ENAH: variants seen among roughly 807,000 people sequenced by gnomAD.
The protein encoded by ENAH is ENAH actin regulator.
ENAH carries 23 observed loss-of-function variants against 78.7 expected under a neutral mutation model. The ratio of observed to expected loss-of-function variants is 0.29; its 90% CI spans 0.21 to 0.41. The LOEUF is 0.41. ENAH is among the 10% of genes least tolerant of loss of function. The probability of loss-of-function intolerance (pLI) is 1.00; values close to 1 mark genes in which losing one functional copy is unlikely to be tolerated. For missense variants in ENAH, 544 were observed against 691.0 expected, an observed-to-expected ratio of 0.79 and a Z score of 2.39; for synonymous variants, 226 against 241.0, an observed-to-expected ratio of 0.94 and a Z score of 0.58.
upstream of ENAH, among the ~76,000 whole-genome samples, chr1:225,653,342 G>C (rs919603673): frequency 4.6e-5 from 7 of 151,604 alleles, no homozygotes; most frequent in African/African-American, 1.5e-4. This position sits in a 1 kb window ranked among gnomAD's most constrained non-coding sequence, Gnocchi z 4.3. Flanking sequence ...GACGGCGGCG[G>C]CGGCGGAGAG....
chr1:225,623,998 C>T (rs892441454), intron 1 of ENAH, among the ~76,000 whole-genome samples: 40 of 152,170 alleles, frequency 2.6e-4, no homozygotes, highest in Admixed American at 2.0e-4. Flanking sequence ...TTAGCTCCTA[C>T]TTATAAGTGA....
intron 3 of ENAH, among the ~76,000 whole-genome samples, chr1:225,552,744 T>C (rs1214957958): frequency 6.6e-6 from 1 of 152,172 alleles, no homozygotes; most frequent in African/African-American, 2.4e-5. Flanking sequence ...TGACTGAGAA[T>C]AAAGTATCAA....
chr1:225,605,597 G>A (rs1044874297), intron 1 of ENAH, among the ~76,000 whole-genome samples: 14 of 152,120 alleles, frequency 9.2e-5, no homozygotes, highest in African/African-American at 3.4e-4. Flanking sequence ...AAATGCATGA[G>A]ATAATAAAAA....
intron 6 of ENAH, chr1:225,515,142 T>C (rs2096407721): frequency 2.2e-6 from 1 of 460,966 alleles, no homozygotes. Context: ...ATGCAACAGA[T>C]CATCTAATTA....
chr1:225,586,991 T>A (rs904702422), intron 1 of ENAH, among the ~76,000 whole-genome samples: 1 of 151,808 alleles, frequency 6.6e-6, no homozygotes, highest in Non-Finnish European at 1.5e-5. Flanking sequence ...AGGGATAAAA[T>A]GCAACATCTG....
chr1:225,650,279 T>C (rs544648430), intron 1 of ENAH, among the ~76,000 whole-genome samples: 3 of 152,238 alleles, frequency 2.0e-5, no homozygotes, highest in Non-Finnish European at 4.4e-5. Context: ...AATAAACTTT[T>C]CAGACCTGTG....
chr1:225,550,323 T>C (rs535091128), intron 3 of ENAH, among the ~76,000 whole-genome samples: 19 of 152,344 alleles, frequency 1.2e-4, no homozygotes, highest in African/African-American at 2.6e-4. Context: ...CTAATTTTGC[T>C]GGCCTTGTTT....
At chr1:225,571,115 G>A (rs942685144) in intron 1 of ENAH, among the ~76,000 whole-genome samples, 26 of 149,268 alleles carry the variant, frequency 1.7e-4, no homozygotes, top group African/African-American at 4.4e-4. Context: ...ACAGTGGCTC[G>A]TGCCTGTAAA....
chr1:225,546,031 C>T (rs1393992173), intron 3 of ENAH, among the ~76,000 whole-genome samples: 2 of 151,164 alleles, frequency 1.3e-5, no homozygotes, highest in African/African-American at 4.9e-5. Context: ...TCAAGTGATC[C>T]TCCTGCCTCA....
intron 1 of ENAH, among the ~76,000 whole-genome samples, chr1:225,608,816 A>AAAAAAAC (rs2096971943): frequency 1.0e-5 from 1 of 98,122 alleles, no homozygotes; most frequent in African/African-American, 4.8e-5. Flanking sequence ...ACTCTGTCTC[A>AAAAAAAC]AAAAAAAAAA....
Position 225,497,645 on chromosome 1 carries a change from T to TC in ENAH, c.*129dup. On this transcript the variant is annotated 3_prime_UTR_variant, in exon 14 of 14. Coordinates refer to ENST00000366843, the MANE Select transcript of ENAH (RefSeq NM_018212.6). ...AAGGCTTTCAGAGTAGGTTGGTTTT[T>TC]CCCTCCTTCTGTTTGTCTCCATTTT... 1 of 857,910 alleles carries TC rather than the reference T, an allele frequency of 1.2e-6. No homozygotes were observed. Among genetic ancestry groups the TC allele is most frequent in the Non-Finnish European group, 1.7e-6 (1 of 574,546 alleles). The allele number at this position is 857,910 out of a possible 1,614,324, so 53.1% of individuals were successfully genotyped here. A position where few individuals can be genotyped will look rare whatever the true frequency, so the allele number is the denominator to read the frequency against.
chr1:225,602,145 G>A (rs949981338), intron 1 of ENAH, among the ~76,000 whole-genome samples: 2 of 151,942 alleles, frequency 1.3e-5, no homozygotes, highest in African/African-American at 4.8e-5. Context: ...ATTATCAGAA[G>A]AAATAAAGAG....
At chr1:225,588,625 C>G (rs753691854) in intron 1 of ENAH, among the ~76,000 whole-genome samples, 1 of 151,996 alleles carries the variant, frequency 6.6e-6, no homozygotes, top group Non-Finnish European at 1.5e-5. Context: ...CTGGCCAACA[C>G]GGTGAAACGC....
intron 1 of ENAH, among the ~76,000 whole-genome samples, chr1:225,570,855 C>T (rs1382367569): frequency 1.1e-4 from 16 of 151,874 alleles, no homozygotes; most frequent in Admixed American, 3.3e-4. Context: ...CCCAGCTACT[C>T]GGGAGGCTGA....
intron 1 of ENAH, among the ~76,000 whole-genome samples, chr1:225,608,924 T>A (rs1644330097): frequency 6.6e-6 from 1 of 151,062 alleles, no homozygotes; most frequent in African/African-American, 2.4e-5. Flanking sequence ...GCCTTCAAAA[T>A]TTTGAAGAAA....
chr1:225,567,444 T>C (rs1307203358), intron 1 of ENAH, 30 bp from the exon 2 acceptor site: 1 of 1,592,538 alleles, frequency 6.3e-7, no homozygotes, highest in Non-Finnish European at 8.6e-7. Flanking sequence ...ATATTCAAAC[T>C]TGCAATATTT....
chr1:225,514,758 AGGAGGGGGC>A lies in ENAH; in HGVS notation c.1047_1055del (p.Pro353_Pro355del), dbSNP rs773366746. 37 of 273,522 alleles carry A rather than the reference AGGAGGGGGC, an allele frequency of 1.4e-4. No individual in the cohort carries two copies. The African/African-American group carries it at 2.2e-3, about 16-fold the overall frequency. The allele number at this position is 273,522 out of a possible 1,614,324, so 16.9% of individuals were successfully genotyped here. ...GTACTTGATTAGGGAGAGGAGGGGGAGGAGGGGGCGGTGGAGGCCCGGTGGATGGGAGTG... is the reference window on the plus strand; with the variant it reads ...GTACTTGATTAGGGAGAGGAGGGGGAGGTGGAGGCCCGGTGGATGGGAGTG... On this transcript the variant is annotated inframe_deletion, in exon 7 of 14. Coordinates refer to ENST00000366843, the MANE Select transcript of ENAH (RefSeq NM_018212.6).
At chr1:225,639,396 G>GTT (rs1298043381) in intron 1 of ENAH, among the ~76,000 whole-genome samples, 1 of 152,154 alleles carries the variant, frequency 6.6e-6, no homozygotes, top group East Asian at 1.9e-4. Flanking sequence ...AAATTTAACT[G>GTT]TAACAGTACT....
chr1:225,501,712 GGT>G (rs2096283171), intron 11 of ENAH, among the ~76,000 whole-genome samples: 1 of 152,128 alleles, frequency 6.6e-6, no homozygotes, highest in African/African-American at 2.4e-5. Context: ...TCATTTGAAT[GGT>G]GTGTTTCAGG....
Sources: allele counts gnomAD v4.1 joint callset (sites outside exome capture counted in the v4.1 genomes callset), GRCh38; gene constraint gnomAD v4.1.1; non-coding constraint Gnocchi (gnomAD v3.1); transcripts MANE v1.5; gene names NCBI Gene and HGNC (gene_info 2026-07-23, HGNC 2026-07-21).